ABTB2: variants seen among roughly 807,000 people sequenced by gnomAD.
The protein encoded by ABTB2 is ankyrin repeat and BTB/POZ domain-containing protein 2.
Under a neutral mutation model 104.1 loss-of-function variants are expected in ABTB2, and 56 were observed. The observed-to-expected ratio is 0.54, with a 90% CI of 0.43 to 0.67. The LOEUF (loss-of-function observed/expected upper bound fraction) is 0.67. Among genes scored for constraint, ABTB2 ranks in the 30% least tolerant of loss-of-function variants. The pLI is 0.00. For synonymous variants in ABTB2, 606 were observed against 608.2 expected (o/e 1.00, Z 0.05); for missense variants, 1,279 against 1,407.7 (o/e 0.91, Z 1.46).
At chr11:34,227,640 T>C (rs770713820) in intron 1 of ABTB2, among the ~76,000 whole-genome samples, 37 of 152,270 alleles carry the variant, frequency 2.4e-4, no homozygotes, top group Non-Finnish European at 4.4e-4. Flanking sequence ...CTGCTAGTCA[T>C]GTACAAGTTT....
intron 1 of ABTB2, among the ~76,000 whole-genome samples, chr11:34,212,556 C>T (rs894783163): frequency 6.6e-6 from 1 of 152,154 alleles, no homozygotes; most frequent in Non-Finnish European, 1.5e-5. Context: ...CTGAGGTCCA[C>T]AGCTAGAAAA....
chr11:34,165,121 T>C (rs2133009985), intron 8 of ABTB2, 139 bp downstream of exon 8: 2 of 833,678 alleles, frequency 2.4e-6, no homozygotes, highest in African/African-American at 1.7e-5. Context: ...CCCCCAGTGG[T>C]CCAGAGAAGG....
intron 3 of ABTB2, among the ~76,000 whole-genome samples, chr11:34,193,283 G>A (rs1184637718): frequency 6.6e-6 from 1 of 152,252 alleles, no homozygotes; most frequent in Non-Finnish European, 1.5e-5. Context: ...GTGCCTGGCT[G>A]GTGCCTGGGA....
rs1852747006 is a variant in ABTB2 at position 34,163,100 on chromosome 11, A to T, written c.1989-295T>A. ...TCTGCCATCCTGGCTGTGTGACCTT[A>T]GCCAGGTCACTCTACCTCTCTGAGC... On this transcript the variant is annotated intron_variant, in intron 9 of 16. Transcript: ENST00000435224. Among the ~76,000 whole-genome samples the T allele has an allele frequency of 2.0e-5, 3 of 152,170 alleles. No individual in the cohort carries two copies. In the South Asian group the frequency reaches 6.2e-4, roughly 32 times the overall value.
chr11:34,182,185 G>A (rs555829730), intron 3 of ABTB2, among the ~76,000 whole-genome samples: 3 of 152,282 alleles, frequency 2.0e-5, no homozygotes, highest in Admixed American at 6.5e-5. Flanking sequence ...CAGCCACCAC[G>A]GCCTAATACC....
At chr11:34,346,430 G>A (rs1190558756) in intron 1 of ABTB2, among the ~76,000 whole-genome samples, 5 of 152,082 alleles carry the variant, frequency 3.3e-5, no homozygotes, top group Non-Finnish European at 5.9e-5. Flanking sequence ...GCATGAGGTC[G>A]GCCAAAAGCA....
intron 1 of ABTB2, among the ~76,000 whole-genome samples, chr11:34,329,030 T>C (rs1855101089): frequency 6.6e-6 from 1 of 152,210 alleles, no homozygotes. Flanking sequence ...TCTGGCACAA[T>C]TTAAGATCCC....
At chr11:34,293,164 G>A (rs974096519) in intron 1 of ABTB2, among the ~76,000 whole-genome samples, 1 of 152,136 alleles carries the variant, frequency 6.6e-6, no homozygotes, top group East Asian at 1.9e-4. Flanking sequence ...AAGAAGAATC[G>A]AGGATAGCTG....
intron 1 of ABTB2, among the ~76,000 whole-genome samples, chr11:34,211,689 T>C (rs1853482256): frequency 6.6e-6 from 1 of 151,806 alleles, no homozygotes; most frequent in Non-Finnish European, 1.5e-5. Context: ...AGATCAGGCA[T>C]TCGAGACCAG....
chr11:34,242,316 G>A (rs933900258), intron 1 of ABTB2, among the ~76,000 whole-genome samples: 1 of 152,174 alleles, frequency 6.6e-6, no homozygotes, highest in African/African-American at 2.4e-5. Context: ...GGGCCAGGAG[G>A]ACAGCCAGTT....
chr11:34,331,359 T>C (rs1415584973), intron 1 of ABTB2, among the ~76,000 whole-genome samples: 1 of 152,148 alleles, frequency 6.6e-6, no homozygotes, highest in African/African-American at 2.4e-5. Flanking sequence ...AGTAAGGAGT[T>C]GTGGAAAAAC....
intron 7 of ABTB2, among the ~76,000 whole-genome samples, chr11:34,166,778 C>G (rs1305417972): frequency 1.3e-5 from 2 of 152,252 alleles, no homozygotes; most frequent in African/African-American, 4.8e-5. Flanking sequence ...AGGTGGGCAA[C>G]CTGTGGCTTG....
At chr11:34,199,456 A>T (rs182655728) in intron 2 of ABTB2, among the ~76,000 whole-genome samples, 9 of 152,132 alleles carry the variant, frequency 5.9e-5, no homozygotes, top group Non-Finnish European at 1.2e-4. Flanking sequence ...CCCTGATTTC[A>T]TTGGTCTGTG....
At chr11:34,168,991 C>T (rs2133013311) in intron 5 of ABTB2, among the ~76,000 whole-genome samples, 2 of 152,302 alleles carry the variant, frequency 1.3e-5, no homozygotes, top group East Asian at 1.9e-4. Context: ...GCCTAGTGGC[C>T]AGAGATAAAG....
intron 1 of ABTB2, among the ~76,000 whole-genome samples, chr11:34,350,411 C>T (rs914106911): frequency 4.6e-5 from 7 of 152,318 alleles, no homozygotes; most frequent in African/African-American, 1.7e-4. Flanking sequence ...GTGTACTCTG[C>T]GGCTTCTCTA....
At chr11:34,223,507 C>CCA (rs954025134) in intron 1 of ABTB2, among the ~76,000 whole-genome samples, 2 of 152,126 alleles carry the variant, frequency 1.3e-5, no homozygotes, top group African/African-American at 4.8e-5. Flanking sequence ...TCCCTCCCAA[C>CCA]CACACACACA....
Position 34,252,021 on chromosome 11 carries a change from C to A in ABTB2, c.884-47331G>T, listed in dbSNP as rs147894363. On this transcript the variant is annotated intron_variant, in intron 1 of 16. Transcript: ENST00000435224. This position sits in a 1 kb window ranked among gnomAD's most constrained non-coding sequence, Gnocchi z 5.5. ...TCTAAGCTGCCAAAGTCAGCCCCACCCCACTCCCATCCCCTCCACCCAGGG... is the reference window on the plus strand; with the variant it reads ...TCTAAGCTGCCAAAGTCAGCCCCACACCACTCCCATCCCCTCCACCCAGGG... Among the ~76,000 whole-genome samples the A allele has an allele frequency of 5.1e-3, 782 of 152,280 alleles. 5 individuals are homozygous for A. The highest frequency in any genetic ancestry group is 0.018 in the African/African-American group (754 of 41,556).
At chr11:34,281,921 C>T (rs1187995856) in intron 1 of ABTB2, among the ~76,000 whole-genome samples, 1 of 152,178 alleles carries the variant, frequency 6.6e-6, no homozygotes, top group Non-Finnish European at 1.5e-5. Flanking sequence ...GACAAATAAA[C>T]TATAAATCAA....
chr11:34,197,681 C>T (rs1246692444), intron 2 of ABTB2, 143 bp from the exon 3 acceptor site: 9 of 631,990 alleles, frequency 1.4e-5, no homozygotes, highest in Non-Finnish European at 2.4e-5. Context: ...CTGCAGCCAA[C>T]AGGCGGAGGT....
Sources: gnomAD v4.1 joint callset for allele counts (sites outside exome capture counted in the v4.1 genomes callset) on GRCh38, gnomAD v4.1.1 for gene constraint, Gnocchi (gnomAD v3.1) non-coding constraint, MANE v1.5 for transcripts, NCBI Gene and HGNC (gene_info 2026-07-23, HGNC 2026-07-21) for gene names.